Variants in DPYD observed in about 807,000 individuals in gnomAD.
DPYD encodes the protein dihydropyrimidine dehydrogenase [NADP(+)].
Under a neutral mutation model 116.2 loss-of-function variants are expected in DPYD, and 109 were observed. The ratio of observed to expected loss-of-function variants is 0.94; its 90% CI spans 0.80 to 1.10. The LOEUF is 1.10. Among genes scored for constraint, DPYD ranks in the 50% least tolerant of loss-of-function variants. The pLI, the probability that DPYD is intolerant of heterozygous loss-of-function variation, is 0.00. For missense variants in DPYD, 1,302 were observed against 1,254.5 expected, an observed-to-expected ratio of 1.04 and a Z score of -0.57; for synonymous variants, 440 against 432.0, an observed-to-expected ratio of 1.02 and a Z score of -0.23.
intron 8 of DPYD, among the ~76,000 whole-genome samples, chr1:97,672,242 T>C (rs1197915047): frequency 6.6e-6 from 1 of 152,178 alleles, no homozygotes; most frequent in Non-Finnish European, 1.5e-5. Flanking sequence ...TTCCTTTTCT[T>C]CCTCAATACT....
chr1:97,730,017 T>C (rs1416463933), intron 4 of DPYD, among the ~76,000 whole-genome samples: 1 of 152,198 alleles, frequency 6.6e-6, no homozygotes, highest in Non-Finnish European at 1.5e-5. Context: ...TTTTTCCAAT[T>C]GGAAGCATAA....
chr1:97,483,827 C>T lies in DPYD; in HGVS notation c.1740+31899G>A, dbSNP rs1163850607. Among the ~76,000 whole-genome samples, 5 of 152,040 alleles carry T rather than the reference C, an allele frequency of 3.3e-5. No homozygotes were observed. The East Asian group carries it at 7.8e-4, about 24-fold the overall frequency. ...GCCATATAAGGACACAGAAAGAAGG[C>T]CCTCACCAGAGCGGATGGTGATTCC... On this transcript the variant is annotated intron_variant, in intron 13 of 22. Transcript: ENST00000370192.
intron 20 of DPYD, among the ~76,000 whole-genome samples, chr1:97,111,325 T>C (rs1313607219): frequency 1.3e-5 from 2 of 152,104 alleles, no homozygotes; most frequent in Non-Finnish European, 2.9e-5. Flanking sequence ...AGAATAAAAT[T>C]GGAAAACATC....
chr1:97,819,461 T>TA (rs1028218809), intron 3 of DPYD, among the ~76,000 whole-genome samples: 8 of 151,758 alleles, frequency 5.3e-5, no homozygotes, highest in East Asian at 1.9e-4. Context: ...CTTTGAAAAT[T>TA]AAAAAAAAGT....
intron 7 of DPYD, among the ~76,000 whole-genome samples, chr1:97,687,927 A>C (rs1660818881): frequency 6.6e-6 from 1 of 152,178 alleles, no homozygotes; most frequent in Admixed American, 6.5e-5. Flanking sequence ...CTGAACAATG[A>C]GAATACATGG....
intron 8 of DPYD, among the ~76,000 whole-genome samples, chr1:97,607,514 CAAAAAA>C (rs914297743): frequency 1.7e-4 from 26 of 150,816 alleles, no homozygotes; most frequent in Non-Finnish European, 3.7e-4. Flanking sequence ...AAATTGTTAG[CAAAAAA>C]AATGGTGCTG....
intron 18 of DPYD, among the ~76,000 whole-genome samples, chr1:97,258,369 G>C (rs577922845): frequency 3.9e-5 from 6 of 152,282 alleles, no homozygotes; most frequent in African/African-American, 9.6e-5. Flanking sequence ...AAAAGTACAG[G>C]CAAGTGAATA....
At chr1:97,221,165 C>T (rs1434946166) in intron 19 of DPYD, among the ~76,000 whole-genome samples, 1 of 152,164 alleles carries the variant, frequency 6.6e-6, no homozygotes, top group East Asian at 1.9e-4. Context: ...TATAAACAAA[C>T]TACTCACAGA....
At chr1:97,301,541 T>G (rs945869984) in intron 18 of DPYD, among the ~76,000 whole-genome samples, 4 of 151,978 alleles carry the variant, frequency 2.6e-5, no homozygotes, top group African/African-American at 9.7e-5. Context: ...TGTTTGTAAG[T>G]GCAACACACA....
At chr1:97,202,662 C>G (rs1264677639) in intron 19 of DPYD, among the ~76,000 whole-genome samples, 1 of 152,212 alleles carries the variant, frequency 6.6e-6, no homozygotes, top group African/African-American at 2.4e-5. Flanking sequence ...GTTGATGACA[C>G]AGTTTCACTG....
intron 14 of DPYD, among the ~76,000 whole-genome samples, chr1:97,449,553 G>A (rs192503941): frequency 3.9e-5 from 6 of 152,048 alleles, no homozygotes; most frequent in South Asian, 2.1e-4. Flanking sequence ...CAATATTTAG[G>A]CATGGTTCTT....
At chr1:97,874,724 C>G (rs1671822074) in intron 2 of DPYD, among the ~76,000 whole-genome samples, 1 of 151,760 alleles carries the variant, frequency 6.6e-6, no homozygotes, top group African/African-American at 2.4e-5. Flanking sequence ...CATGAATTTC[C>G]AGTGCTATGG....
intron 3 of DPYD, among the ~76,000 whole-genome samples, chr1:97,794,728 A>G (rs549393444): frequency 1.3e-5 from 2 of 152,244 alleles, no homozygotes; most frequent in African/African-American, 4.8e-5. Flanking sequence ...ACTTTTCGGA[A>G]AAAAGTCACC....
At chr1:97,817,188 A>C (rs1668666305) in intron 3 of DPYD, among the ~76,000 whole-genome samples, 1 of 152,158 alleles carries the variant, frequency 6.6e-6, no homozygotes, top group Non-Finnish European at 1.5e-5. Context: ...TAGTTGTGAC[A>C]GAAATTATGT....
intron 4 of DPYD, 42 bp from the exon 5 acceptor site, chr1:97,721,713 ATACTT>A: frequency 6.3e-7 from 1 of 1,583,992 alleles, no homozygotes; most frequent in South Asian, 1.1e-5. Flanking sequence ...ACTTAAAAAT[ATACTT>A]TAAACAGCCA....
intron 8 of DPYD, among the ~76,000 whole-genome samples, chr1:97,607,668 G>A (rs936635761): frequency 6.6e-6 from 1 of 151,800 alleles, no homozygotes; most frequent in African/African-American, 2.4e-5. Flanking sequence ...AGATATTGAA[G>A]AAGGACCAAT....
chr1:97,316,945 T>C (rs1389855253), intron 16 of DPYD, among the ~76,000 whole-genome samples: 1 of 151,864 alleles, frequency 6.6e-6, no homozygotes, highest in East Asian at 2.0e-4. Flanking sequence ...TCATGTTTTT[T>C]TTGTAAAACC....
At chr1:97,205,381 C>T (rs1659518863) in intron 19 of DPYD, among the ~76,000 whole-genome samples, 2 of 151,790 alleles carry the variant, frequency 1.3e-5, no homozygotes, top group African/African-American at 4.8e-5. Context: ...CATAGTTTTG[C>T]CTTTTCCAAT....
intron 8 of DPYD, among the ~76,000 whole-genome samples, chr1:97,601,591 G>A (rs2786498): frequency 0.15 from 23,480 of 151,842 alleles, 2,063 homozygotes; most frequent in African/African-American, 0.22. Context: ...GCATGTCGCA[G>A]TTCCACAATG....
Sources: gnomAD v4.1 joint callset for allele counts (sites outside exome capture counted in the v4.1 genomes callset) on GRCh38, gnomAD v4.1.1 for gene constraint, MANE v1.5 for transcripts, NCBI Gene and HGNC (gene_info 2026-07-23, HGNC 2026-07-21) for gene names.